Variants in MED28 observed in about 807,000 individuals in gnomAD.
MED28 encodes the protein mediator complex subunit 28.
Under a neutral mutation model 21.3 loss-of-function variants are expected in MED28, and 26 were observed. The observed-to-expected ratio is 1.22, with a 90% CI of 0.89 to 1.69. The LOEUF (loss-of-function observed/expected upper bound fraction) is 1.69. Ranked by LOEUF, MED28 falls within the 40% of genes most tolerant of loss-of-function variation. The probability of loss-of-function intolerance (pLI) is 0.00; values close to 1 mark genes in which losing one functional copy is unlikely to be tolerated. For missense variants in MED28, 257 were observed against 215.4 expected (o/e 1.19, Z -1.21); for synonymous variants, 110 against 87.6 (o/e 1.26, Z -1.43).
rs371528890 is a variant in MED28 at position 17,614,694 on chromosome 4, C to T, written c.40C>T (p.Pro14Ser). ...PLGGMFSGQP[P>S]GPPQAPPGLP... ...AGGGGGTATGTTTTCTGGGCAGCCA[C>T]CCGGTCCCCCTCAGGCCCCGCCGGG... Residue 14 changes from proline (P) to serine (S), a missense_variant, in exon 1 of 4, where the codon CCC becomes TCC. Coordinates refer to ENST00000237380, the MANE Select transcript of MED28 (RefSeq NM_025205.5). 3.7e-6 allele frequency: 6 copies of T among 1,613,998 alleles called. No individual in the cohort carries two copies. The African/African-American group carries it at 4.0e-5, about 11-fold the overall frequency.
rs771401398 is a variant in MED28, at chr4:17,632,561, C to T, written c.*8763C>T. Reference sequence around the variant, plus strand: ...AAAGAAAAGTACTTGGTGAACCATTCCTGGTGCGGAGAGCCCTGTTTCTGC... The same window carrying T: ...AAAGAAAAGTACTTGGTGAACCATTTCTGGTGCGGAGAGCCCTGTTTCTGC... On this transcript the variant is annotated 3_prime_UTR_variant, in exon 4 of 4. Transcript: ENST00000237380. 6.4e-7 allele frequency: 1 copy of T among 1,551,408 alleles called. No individual in the cohort carries two copies. Among genetic ancestry groups the T allele is most frequent in the South Asian group, 1.2e-5 (1 of 84,048 alleles).
At chr4:17,618,046 CTG>C (rs1714505659) in intron 1 of MED28, among the ~76,000 whole-genome samples, 1 of 124,304 alleles carries the variant, frequency 8.0e-6, no homozygotes, top group African/African-American at 3.0e-5. Flanking sequence ...GAGTCTCACT[CTG>C]TCACCCAGGC....
chr4:17,619,875 T>G, intron 1 of MED28, 26 bp from the exon 2 acceptor site: 1 of 1,606,794 alleles, frequency 6.2e-7, no homozygotes, highest in Non-Finnish European at 8.5e-7. Flanking sequence ...TGATATTTTT[T>G]TCTTTCCTAT....
chr4:17,629,552 G>A lies in MED28; in HGVS notation c.*5754G>A, dbSNP rs1418241137. 1 of 152,206 alleles carries A rather than the reference G, an allele frequency of 6.6e-6. No homozygotes were observed. Among genetic ancestry groups the A allele is most frequent in the Non-Finnish European group, 1.5e-5 (1 of 68,038 alleles). 9.4% of individuals were successfully genotyped at this position (152,206 alleles called of 1,614,324 possible). A position where few individuals can be genotyped will look rare whatever the true frequency, so the allele number is the denominator to read the frequency against. ...AGTTTGCTTTCATGTGGAACAGATA[G>A]TATTCCTTTCAGTTTTGCTGCAGGA... is the stretch of plus-strand genomic sequence containing the variant. On this transcript the variant is annotated 3_prime_UTR_variant, in exon 4 of 4. Coordinates refer to ENST00000237380, the MANE Select transcript of MED28 (RefSeq NM_025205.5).
At chr4:17,623,489 A>C (rs1714690935) in intron 3 of MED28, 112 bp from the exon 4 acceptor site, 6 of 1,005,970 alleles carry the variant, frequency 6.0e-6, no homozygotes, top group Middle Eastern at 3.1e-4. Context: ...TAATGGGCTT[A>C]ATATGGTTTA....
rs1053926243 is a variant in MED28 at position 17,632,473 on chromosome 4, C to T, written c.*8675C>T. 41 of 1,347,006 alleles carry T rather than the reference C, an allele frequency of 3.0e-5. No homozygotes were observed. Among genetic ancestry groups the T allele is most frequent in the South Asian group, 6.5e-5 (5 of 77,050 alleles). The allele number at this position is 1,347,006 out of a possible 1,614,324, so 83.4% of individuals were successfully genotyped here. ...GTTGGTGTTAGTTCATTCCTTCAATCGGATGATTTAAAATAAATGTTTTTC... is the reference window on the plus strand; with the variant it reads ...GTTGGTGTTAGTTCATTCCTTCAATTGGATGATTTAAAATAAATGTTTTTC... On this transcript the variant is annotated 3_prime_UTR_variant, in exon 4 of 4. Coordinates refer to ENST00000237380, the MANE Select transcript of MED28 (RefSeq NM_025205.5).
At chr4:17,617,168 T>G (rs1320205325) in intron 1 of MED28, among the ~76,000 whole-genome samples, 1 of 152,198 alleles carries the variant, frequency 6.6e-6, no homozygotes, top group Admixed American at 6.5e-5. Flanking sequence ...GCGAGCTGGA[T>G]CCTCTCTGCT....
rs1715037829 is a variant in MED28 at position 17,633,811 on chromosome 4, A to G, written c.*10013A>G. ...CATTAATCCTGGAACTCAGATCGCC[A>G]CTCAGAAAGTTCTTTGCATAGGAGG... is the stretch of plus-strand genomic sequence containing the variant. On this transcript the variant is annotated 3_prime_UTR_variant, in exon 4 of 4. Transcript: ENST00000237380. 6.4e-7 allele frequency: 1 copy of G among 1,551,584 alleles called. No homozygotes were observed. The highest frequency in any genetic ancestry group is 1.2e-5 in the South Asian group (1 of 84,040).
intron 2 of MED28, among the ~76,000 whole-genome samples, chr4:17,620,732 C>T (rs1159389552): frequency 7.4e-6 from 1 of 135,258 alleles, no homozygotes; most frequent in Non-Finnish European, 1.5e-5. Context: ...AGTTCTTGCT[C>T]TCTCACCCTT....
rs558950838 is a variant in MED28 at position 17,630,835 on chromosome 4, C to T, written c.*7037C>T. 6.6e-6 allele frequency: 1 copy of T among 151,256 alleles called. No homozygotes were observed. The highest frequency in any genetic ancestry group is 1.9e-4 in the East Asian group (1 of 5,134). 9.4% of individuals were successfully genotyped at this position (151,256 alleles called of 1,614,324 possible). A position where few individuals can be genotyped will look rare whatever the true frequency, so the allele number is the denominator to read the frequency against. ...TTAATGTGAACTGAACTTTCTATTT[C>T]TAAGCTGTCTTCATCTAATTTTACC... On this transcript the variant is annotated 3_prime_UTR_variant, in exon 4 of 4. Coordinates refer to ENST00000237380, the MANE Select transcript of MED28 (RefSeq NM_025205.5).
intron 1 of MED28, among the ~76,000 whole-genome samples, chr4:17,618,894 C>T (rs1363444664): frequency 6.6e-6 from 1 of 152,200 alleles, no homozygotes; most frequent in Non-Finnish European, 1.5e-5. Context: ...TTCTGATTTA[C>T]TTTCTCTGTA....
chr4:17,621,540 G>A (rs1714632468), intron 2 of MED28, 47 bp from the exon 3 acceptor site: 1 of 1,263,980 alleles, frequency 7.9e-7, no homozygotes, highest in Admixed American at 2.3e-5. Context: ...AGATAAATGA[G>A]TCTGTTGTTT....
rs1229471720 is a variant in MED28 at position 17,632,944 on chromosome 4, CAG to C, written c.*9149_*9150del. On this transcript the variant is annotated 3_prime_UTR_variant, in exon 4 of 4. Coordinates refer to ENST00000237380, the MANE Select transcript of MED28 (RefSeq NM_025205.5). ...GAGACTTTGTTTTTATTTTTTGTGA[CAG>C]AGTCTCCCTCTGTCACCCAGGCTGG... 5.7e-5 allele frequency: 11 copies of C among 194,214 alleles called. 1 individual carries two copies. The highest frequency in any genetic ancestry group is 3.9e-4 in the South Asian group (4 of 10,150). 12.0% of individuals were successfully genotyped at this position (194,214 alleles called of 1,614,324 possible). A position where few individuals can be genotyped will look rare whatever the true frequency, so the allele number is the denominator to read the frequency against.
chr4:17,617,905 C>CA lies in MED28; in HGVS notation c.160-1986dup, dbSNP rs372113050. On this transcript the variant is annotated intron_variant, in intron 1 of 3. Transcript: ENST00000237380. ...TGGGCAATAGAGTGAGACTCCATCT[C>CA]AAAAAAAAAATATATGTTCTCTTTC... Among the ~76,000 whole-genome samples the CA allele has an allele frequency of 2.7e-3, 388 of 145,888 alleles. 4 individuals are homozygous for CA. Among genetic ancestry groups the CA allele is most frequent in the African/African-American group, 8.5e-3 (342 of 40,014 alleles).
At chr4:17,620,085 A>G in intron 2 of MED28, 118 bp downstream of exon 2, 4 of 898,804 alleles carry the variant, frequency 4.5e-6, no homozygotes, top group South Asian at 1.4e-5. Flanking sequence ...TTCAGGGACT[A>G]AAATGTGTGC....
At position 17,630,258 on chromosome 4, in the gene MED28, T is replaced by C. The variant is rs1003321597; in HGVS notation, c.*6460T>C. ...AGCAGTCCTACAGGGTTCACTGCTA[T>C]GTCCTGAATGTTGATGTCCCTTCCA... On this transcript the variant is annotated 3_prime_UTR_variant, in exon 4 of 4. Coordinates refer to ENST00000237380, the MANE Select transcript of MED28 (RefSeq NM_025205.5). The C allele has an allele frequency of 2.0e-5, 3 of 152,180 alleles. No homozygotes were observed. The highest frequency in any genetic ancestry group is 7.2e-5 in the African/African-American group (3 of 41,452). The allele number at this position is 152,180 out of a possible 1,614,324, so 9.4% of individuals were successfully genotyped here.
At chr4:17,619,314 C>T (rs1262680991) in intron 1 of MED28, among the ~76,000 whole-genome samples, 2 of 152,208 alleles carry the variant, frequency 1.3e-5, no homozygotes, top group Non-Finnish European at 2.9e-5. Flanking sequence ...TTATTAAACA[C>T]TTCCCTTGTG....
At position 17,628,288 on chromosome 4, in the gene MED28, G is replaced by GTGTGTGTGTGTGTGTGTGTGTGTA. The variant is rs1213204408; in HGVS notation, c.*4493_*4494insGTGTGTGTGTGTGTGTGTGTATGT. The GTGTGTGTGTGTGTGTGTGTGTGTA allele has an allele frequency of 1.3e-5, 2 of 150,148 alleles. No individual in the cohort carries two copies. Among genetic ancestry groups the GTGTGTGTGTGTGTGTGTGTGTGTA allele is most frequent in the African/African-American group, 5.0e-5 (2 of 39,674 alleles). 9.3% of individuals were successfully genotyped at this position (150,148 alleles called of 1,614,324 possible). A position where few individuals can be genotyped will look rare whatever the true frequency, so the allele number is the denominator to read the frequency against. Reference sequence around the variant, plus strand: ...TGTGTGTGTGTGTGTGTGTGTGTGTGTGTATGTGTATATGCGTATATATGT... The same window carrying GTGTGTGTGTGTGTGTGTGTGTGTA: ...TGTGTGTGTGTGTGTGTGTGTGTGTGTGTGTGTGTGTGTGTGTGTGTGTATGTATGTGTATATGCGTATATATGT... On this transcript the variant is annotated 3_prime_UTR_variant, in exon 4 of 4. Coordinates refer to ENST00000237380, the MANE Select transcript of MED28 (RefSeq NM_025205.5).
At position 17,633,661 on chromosome 4, in the gene MED28, G is replaced by A. The variant is rs1715032856; in HGVS notation, c.*9863G>A. On this transcript the variant is annotated 3_prime_UTR_variant, in exon 4 of 4. Coordinates refer to ENST00000237380, the MANE Select transcript of MED28 (RefSeq NM_025205.5). ...TCTTATCTACAGGGAAATAGAATAA[G>A]GGCCCCTGTCCCCAACATCCCCCAA... 6.8e-7 allele frequency: 1 copy of A among 1,463,690 alleles called. No individual in the cohort carries two copies. The highest frequency in any genetic ancestry group is 9.1e-7 in the Non-Finnish European group (1 of 1,102,084). The allele number at this position is 1,463,690 out of a possible 1,614,324, so 90.7% of individuals were successfully genotyped here.
Sources: gnomAD v4.1 joint callset for allele counts (sites outside exome capture counted in the v4.1 genomes callset) on GRCh38, gnomAD v4.1.1 for gene constraint, MANE v1.5 for transcripts, NCBI Gene and HGNC (gene_info 2026-07-23, HGNC 2026-07-21) for gene names.